Variants in CPEB4 observed in about 807,000 individuals in gnomAD.
CPEB4 encodes the protein cytoplasmic polyadenylation element binding protein 4.
Under a neutral mutation model 72.5 loss-of-function variants are expected in CPEB4, and 12 were observed. That is an observed-to-expected ratio of 0.17 (90% CI 0.11 to 0.27). The LOEUF is 0.27. Among genes scored for constraint, CPEB4 ranks in the 10% least tolerant of loss-of-function variants. The probability of loss-of-function intolerance (pLI) is 1.00; values close to 1 mark genes in which losing one functional copy is unlikely to be tolerated. For synonymous variants in CPEB4, 302 were observed against 326.3 expected (o/e 0.93, Z 0.80); for missense variants, 614 against 908.5 (o/e 0.68, Z 4.17).
intron 2 of CPEB4, among the ~76,000 whole-genome samples, chr5:173,924,854 G>A (rs1380434251): frequency 1.3e-5 from 2 of 152,156 alleles, no homozygotes; most frequent in African/African-American, 4.8e-5. Flanking sequence ...CAGGCTCTGG[G>A]GTAGCACACC....
In CPEB4 at chr5:173,888,424, GCGGCGGCAGCAGCGGCGA is replaced by G; in HGVS notation, c.-1308_-1291del. 2.2e-6 allele frequency: 1 copy of G among 460,770 alleles called. No individual in the cohort carries two copies. The highest frequency in any genetic ancestry group is 5.2e-5 in the South Asian group (1 of 19,396). 28.5% of individuals were successfully genotyped at this position (460,770 alleles called of 1,614,324 possible). On this transcript the variant is annotated 5_prime_UTR_variant, in exon 1 of 10. Coordinates refer to ENST00000265085, the MANE Select transcript of CPEB4 (RefSeq NM_030627.4). This position sits in a 1 kb window ranked among gnomAD's most constrained non-coding sequence, Gnocchi z 4.3. ...GCACCGGGAGGCGGTGGCGGCGGCGGCGGCGGCAGCAGCGGCGACAGCAGAGGAGGAAGAGGAGGAAGA... is the reference window on the plus strand; with the variant it reads ...GCACCGGGAGGCGGTGGCGGCGGCGGCAGCAGAGGAGGAAGAGGAGGAAGA...
intron 2 of CPEB4, among the ~76,000 whole-genome samples, chr5:173,916,187 A>G (rs1756860780): frequency 6.6e-6 from 1 of 152,236 alleles, no homozygotes; most frequent in South Asian, 2.1e-4. Context: ...ATATGAAATT[A>G]TGACTTAGAT....
Position 173,955,778 on chromosome 5 carries a change from A to G in CPEB4, c.1963-132A>G. The G allele has an allele frequency of 1.6e-6, 1 of 630,788 alleles. No individual in the cohort carries two copies. The highest frequency in any genetic ancestry group is 2.3e-5 in the South Asian group (1 of 43,468). 39.1% of individuals were successfully genotyped at this position (630,788 alleles called of 1,614,324 possible). On this transcript the variant is annotated intron_variant, in intron 9 of 9. Transcript: ENST00000265085. The surrounding 1 kb of genome is among the most constrained non-coding windows in gnomAD (Gnocchi z 4.7). ...AAGATGAACTATCCATATTTCAGTA[A>G]ATGAATAATTAGTCCTTCCTCTTTG...
At chr5:173,896,867 C>G (rs1353863920) in intron 1 of CPEB4, among the ~76,000 whole-genome samples, 1 of 152,074 alleles carries the variant, frequency 6.6e-6, no homozygotes, top group Non-Finnish European at 1.5e-5. Flanking sequence ...TGAGACCAGG[C>G]CTGGGCAACA....
intron 1 of CPEB4, among the ~76,000 whole-genome samples, chr5:173,896,110 T>G (rs1330751210): frequency 6.6e-6 from 1 of 152,214 alleles, no homozygotes; most frequent in African/African-American, 2.4e-5. Context: ...CTTATGACTT[T>G]CTCTATTTTG....
intron 1 of CPEB4, among the ~76,000 whole-genome samples, chr5:173,893,399 A>G (rs1246536415): frequency 6.6e-6 from 1 of 152,090 alleles, no homozygotes; most frequent in African/African-American, 2.4e-5. Context: ...GAAGGATTGC[A>G]TGAGCCCAGG....
At chr5:173,910,430 T>G (rs972364463) in intron 1 of CPEB4, 93 bp from the exon 2 acceptor site, 3 of 832,820 alleles carry the variant, frequency 3.6e-6, no homozygotes, top group Non-Finnish European at 6.1e-6. Flanking sequence ...AATTGCTACT[T>G]TGTGATCTGT....
intron 3 of CPEB4, among the ~76,000 whole-genome samples, chr5:173,936,673 C>T (rs953150642): frequency 6.6e-6 from 1 of 152,168 alleles, no homozygotes; most frequent in African/African-American, 2.4e-5. Flanking sequence ...GGCTAGTTAC[C>T]TCAAATTCCT....
intron 2 of CPEB4, among the ~76,000 whole-genome samples, chr5:173,931,633 A>G (rs1258804195): frequency 6.6e-6 from 1 of 152,190 alleles, no homozygotes. Context: ...ACAGTATAGA[A>G]CTAGGTCCAT....
chr5:173,922,257 G>T (rs1183958078), intron 2 of CPEB4, among the ~76,000 whole-genome samples: 2 of 151,938 alleles, frequency 1.3e-5, no homozygotes, highest in East Asian at 1.9e-4. Flanking sequence ...TTGAGACAGG[G>T]TCTAGCTCTG....
intron 2 of CPEB4, among the ~76,000 whole-genome samples, chr5:173,930,031 A>T (rs1352337541): frequency 6.6e-6 from 1 of 151,890 alleles, no homozygotes. Context: ...TGATTCAGAA[A>T]CAGTACTCTG....
intron 7 of CPEB4, 37 bp from the exon 8 acceptor site, chr5:173,951,787 A>T: frequency 8.0e-7 from 1 of 1,247,286 alleles, no homozygotes; most frequent in Non-Finnish European, 1.2e-6. Flanking sequence ...AATTGTCTGT[A>T]TTGAGAATGA....
At chr5:173,945,772 AG>A (rs1199383349) in intron 5 of CPEB4, among the ~76,000 whole-genome samples, 1 of 152,196 alleles carries the variant, frequency 6.6e-6, no homozygotes, top group African/African-American at 2.4e-5. Context: ...CTTTTTAATT[AG>A]GTGGATAAGA....
At chr5:173,894,022 T>C (rs1312425072) in intron 1 of CPEB4, among the ~76,000 whole-genome samples, 1 of 152,202 alleles carries the variant, frequency 6.6e-6, no homozygotes. Flanking sequence ...AGACAGGGTC[T>C]CGCTTTGTCA....
intron 3 of CPEB4, among the ~76,000 whole-genome samples, chr5:173,937,135 C>G (rs146869677): frequency 2.7e-4 from 41 of 150,966 alleles, no homozygotes; most frequent in African/African-American, 8.8e-4. Context: ...CTCCATCTCC[C>G]AGGTTCAAGC....
chr5:173,932,394 A>G, intron 2 of CPEB4, 56 bp from the exon 3 acceptor site: 1 of 1,383,510 alleles, frequency 7.2e-7, no homozygotes, highest in Non-Finnish European at 1.0e-6. Context: ...TTATTGAATA[A>G]GTTTAAACCA....
chr5:173,932,543 A>T, intron 3 of CPEB4, 43 bp downstream of exon 3: 1 of 1,441,494 alleles, frequency 6.9e-7, no homozygotes, highest in East Asian at 2.3e-5. Context: ...CACAAAACTG[A>T]TACAGTAGTT....
Position 173,951,815 on chromosome 5 carries a change from A to G in CPEB4, c.1666-9A>G. On this transcript the variant is annotated splice_polypyrimidine_tract_variant and intron_variant, in intron 7 of 9. Coordinates refer to ENST00000265085, the MANE Select transcript of CPEB4 (RefSeq NM_030627.4). ...GAGAATGAGACATTTTGGTTTGTAC[A>G]TTCCCTAGGTCCAGATTCGGCCTTG... 1.3e-6 allele frequency: 2 copies of G among 1,580,228 alleles called. No homozygotes were observed. The highest frequency in any genetic ancestry group is 2.2e-5 in the East Asian group (1 of 44,722).
At chr5:173,935,778 A>G (rs951551310) in intron 3 of CPEB4, among the ~76,000 whole-genome samples, 1 of 138 alleles carries the variant, frequency 7.2e-3, no homozygotes, top group African/African-American at 0.018. Flanking sequence ...CAATAATTAA[A>G]AGAAAAAAGT....
Sources: allele counts gnomAD v4.1 joint callset (sites outside exome capture counted in the v4.1 genomes callset), GRCh38; gene constraint gnomAD v4.1.1; non-coding constraint Gnocchi (gnomAD v3.1); transcripts MANE v1.5; gene names NCBI Gene and HGNC (gene_info 2026-07-23, HGNC 2026-07-21).